Variants in PGBD5 observed in about 807,000 individuals in gnomAD.
PGBD5 encodes piggyBac transposable element derived 5.
In PGBD5, 14 loss-of-function variants were observed where a neutral mutation model predicts 47.9. That is an observed-to-expected ratio of 0.29 (90% CI 0.19 to 0.46). PGBD5 has a LOEUF of 0.46. PGBD5 is among the 20% of genes least tolerant of loss of function. The pLI is 1.00. For missense variants in PGBD5, 635 were observed against 716.0 expected, an observed-to-expected ratio of 0.89 and a Z score of 1.29; for synonymous variants, 316 against 306.3, an observed-to-expected ratio of 1.03 and a Z score of -0.33.
intron 4 of PGBD5, among the ~76,000 whole-genome samples, chr1:230,336,768 G>C (rs908780749): frequency 6.6e-6 from 1 of 152,150 alleles, no homozygotes; most frequent in South Asian, 2.1e-4. Context: ...AGACTTCCTA[G>C]AGCCTTACTA....
chr1:230,356,005 A>G (rs917978871), intron 2 of PGBD5, among the ~76,000 whole-genome samples: 1 of 152,212 alleles, frequency 6.6e-6, no homozygotes, highest in Non-Finnish European at 1.5e-5. Context: ...GGCAACAAGA[A>G]TTGGAGGTTT....
chr1:230,396,922 G>A (rs146734689), intron 1 of PGBD5, among the ~76,000 whole-genome samples: 8 of 152,294 alleles, frequency 5.3e-5, no homozygotes, highest in African/African-American at 1.7e-4. Context: ...TTAAAATCAC[G>A]CTGGAAGTCA....
In PGBD5 at chr1:230,322,988, G is replaced by C. The variant is rs1667058892; in HGVS notation, c.*437C>G. ...ACACCTGAGCCATTGTAACCATGCAGGGCGTCTTTGCTTCCTTCAAGTCTT... is the reference window on the plus strand; with the variant it reads ...ACACCTGAGCCATTGTAACCATGCACGGCGTCTTTGCTTCCTTCAAGTCTT... On this transcript the variant is annotated 3_prime_UTR_variant, in exon 7 of 7. Coordinates refer to ENST00000391860, the MANE Select transcript of PGBD5 (RefSeq NM_001258311.2). This position sits in a 1 kb window ranked among gnomAD's most constrained non-coding sequence, Gnocchi z 5.9. 5.9e-6 allele frequency: 1 copy of C among 169,766 alleles called. No individual in the cohort carries two copies. Among genetic ancestry groups the C allele is most frequent in the Non-Finnish European group, 1.3e-5 (1 of 78,210 alleles). 10.5% of individuals were successfully genotyped at this position (169,766 alleles called of 1,614,324 possible).
In PGBD5 at chr1:230,425,732, G is replaced by GC; in HGVS notation, c.196_197insG (p.Pro66ArgfsTer192). On this transcript the variant is annotated frameshift_variant, in exon 1 of 7. Transcript: ENST00000391860. LOFTEE classifies it high-confidence loss of function. This position sits in a 1 kb window ranked among gnomAD's most constrained non-coding sequence, Gnocchi z 4.7. The stretch of plus-strand genomic sequence containing the variant: ...CGGGGCGGCCCCTGGGGGTCCCGGG[G>GC]GCTCGCGCTCGTCGTCCGAGGAGGC... The GC allele has an allele frequency of 8.2e-7, 1 of 1,212,278 alleles. No individual in the cohort carries two copies. The highest frequency in any genetic ancestry group is 1.0e-6 in the Non-Finnish European group (1 of 975,598). 75.1% of individuals were successfully genotyped at this position (1,212,278 alleles called of 1,614,324 possible).
intron 1 of PGBD5, among the ~76,000 whole-genome samples, chr1:230,375,023 G>A (rs74146006): frequency 6.6e-6 from 1 of 152,254 alleles, no homozygotes; most frequent in Non-Finnish European, 1.5e-5. Flanking sequence ...CTCTTCATAC[G>A]TTTCCAAAGG....
chr1:230,325,220 G>A, intron 6 of PGBD5, 90 bp downstream of exon 6: 2 of 991,308 alleles, frequency 2.0e-6, no homozygotes, highest in South Asian at 3.0e-5. Flanking sequence ...TTCTTACACT[G>A]GGGAAACTAG....
intron 3 of PGBD5, among the ~76,000 whole-genome samples, chr1:230,347,921 T>C (rs1338556779): frequency 6.6e-6 from 1 of 152,170 alleles, no homozygotes; most frequent in Non-Finnish European, 1.5e-5. Context: ...CTGGTCATTT[T>C]CTCATGGCCA....
intron 1 of PGBD5, among the ~76,000 whole-genome samples, chr1:230,398,352 C>A (rs571220490): frequency 3.3e-5 from 5 of 152,076 alleles, no homozygotes; most frequent in African/African-American, 9.7e-5. Context: ...TTGCACAGGG[C>A]GGTCTCCATG....
At chr1:230,416,614 G>C (rs765211031) in intron 1 of PGBD5, among the ~76,000 whole-genome samples, 49 of 152,180 alleles carry the variant, frequency 3.2e-4, no homozygotes, top group Non-Finnish European at 1.0e-4. Flanking sequence ...GCTGCCGTTC[G>C]AAAGTCAGGA....
At chr1:230,351,881 A>G (rs1209041122) in intron 2 of PGBD5, among the ~76,000 whole-genome samples, 1 of 152,222 alleles carries the variant, frequency 6.6e-6, no homozygotes, top group African/African-American at 2.4e-5. Flanking sequence ...ATAAAGAAAA[A>G]AGAGATGGCA....
rs1213150975 is a variant in PGBD5, at chr1:230,425,323, C to A, written c.331+275G>T. Among the ~76,000 whole-genome samples, 6 of 152,192 alleles carry A rather than the reference C, an allele frequency of 3.9e-5. No homozygotes were observed. Among genetic ancestry groups the A allele is most frequent in the African/African-American group, 1.4e-4 (6 of 41,444 alleles). ...GTGTGACAGACTTCCCATGCAGGGG[C>A]TGGGGTGCTCCCAGGAAGTGAAGGA... is the stretch of plus-strand genomic sequence containing the variant. On this transcript the variant is annotated intron_variant, in intron 1 of 6. Coordinates refer to ENST00000391860, the MANE Select transcript of PGBD5 (RefSeq NM_001258311.2). The surrounding 1 kb of genome is among the most constrained non-coding windows in gnomAD (Gnocchi z 4.7).
intron 1 of PGBD5, among the ~76,000 whole-genome samples, chr1:230,404,981 T>G (rs1258231562): frequency 4.0e-5 from 6 of 150,650 alleles, no homozygotes; most frequent in Non-Finnish European, 8.9e-5. Flanking sequence ...TATCAAGTTT[T>G]TTTTTTTTTT....
At position 230,333,016 on chromosome 1, in the gene PGBD5, G is replaced by T; in HGVS notation, c.1101C>A (p.Arg367=). The part of the protein sequence containing the change: ...KQGIYCCGLL[R]ARKSDCTGLP... ...GGCCGGTGCAGTCACTCTTCCGCGCGCGGAGCAAGCCGCAGCAGTAAATCC... is the reference window on the plus strand; with the variant it reads ...GGCCGGTGCAGTCACTCTTCCGCGCTCGGAGCAAGCCGCAGCAGTAAATCC... The change falls in exon 5 of 7, where the codon CGC becomes CGA. Residue 367 remains arginine (R), a synonymous_variant. Coordinates refer to ENST00000391860, the MANE Select transcript of PGBD5 (RefSeq NM_001258311.2). 1 of 1,605,166 alleles carries T rather than the reference G, an allele frequency of 6.2e-7. No individual in the cohort carries two copies. Among genetic ancestry groups the T allele is most frequent in the South Asian group, 1.1e-5 (1 of 90,178 alleles).
chr1:230,399,922 C>T lies in PGBD5; in HGVS notation c.331+25676G>A, dbSNP rs549872259. On this transcript the variant is annotated intron_variant, in intron 1 of 6. Transcript: ENST00000391860. ...TCCACCATCTCTTGCCAGGTTATGG[C>T]GGGAGCCAGATCCCACGCTTGTCCT... 1.1e-4 allele frequency among the ~76,000 whole-genome samples: 16 copies of T among 152,344 alleles called. No homozygotes were observed. In the South Asian group the frequency reaches 1.5e-3, roughly 14 times the overall value.
chr1:230,377,725 G>A (rs1170442752), intron 1 of PGBD5: 5 of 1,422,900 alleles, frequency 3.5e-6, no homozygotes, highest in Non-Finnish European at 4.6e-6. Flanking sequence ...ACCTCAAAGA[G>A]TCATTGTGAG....
chr1:230,349,188 G>A (rs1667524047), intron 3 of PGBD5, among the ~76,000 whole-genome samples: 1 of 152,142 alleles, frequency 6.6e-6, no homozygotes, highest in Non-Finnish European at 1.5e-5. Flanking sequence ...GAGGGAGAAG[G>A]GAGTGGTGCC....
chr1:230,357,909 T>C lies in PGBD5; in HGVS notation c.332-588A>G, dbSNP rs2102706670. ...TCTGCCAGTCTGGGGTACTTCTCCG[T>C]ACAAGGAAGAAAGCATGCATATACA... On this transcript the variant is annotated intron_variant, in intron 1 of 6. Transcript: ENST00000391860. The surrounding 1 kb of genome is among the most constrained non-coding windows in gnomAD (Gnocchi z 5.7). 6.6e-6 allele frequency among the ~76,000 whole-genome samples: 1 copy of C among 152,216 alleles called. No individual in the cohort carries two copies. The highest frequency in any genetic ancestry group is 2.4e-5 in the African/African-American group (1 of 41,526).
intron 1 of PGBD5, among the ~76,000 whole-genome samples, chr1:230,363,077 C>T (rs992206152): frequency 3.9e-5 from 6 of 152,176 alleles, no homozygotes; most frequent in Admixed American, 3.3e-4. Context: ...CTCTCTGCAT[C>T]TCAGTTTCTT....
chr1:230,377,526 C>T, intron 1 of PGBD5: 1 of 1,612,772 alleles, frequency 6.2e-7, no homozygotes, highest in Non-Finnish European at 8.5e-7. Flanking sequence ...GCTGCAGATC[C>T]CGGCCGGGCA....
Sources: allele counts gnomAD v4.1 joint callset (sites outside exome capture counted in the v4.1 genomes callset), GRCh38; gene constraint gnomAD v4.1.1; non-coding constraint Gnocchi (gnomAD v3.1); transcripts MANE v1.5; gene names NCBI Gene and HGNC (gene_info 2026-07-23, HGNC 2026-07-21).